FOXO1: variants seen among roughly 807,000 people sequenced by gnomAD.
FOXO1 encodes the protein forkhead box protein O1.
In FOXO1, 6 loss-of-function variants were observed where a neutral mutation model predicts 44.1. The observed-to-expected ratio is 0.14, with a 90% CI of 0.07 to 0.27. FOXO1 has a LOEUF of 0.27. Among genes scored for constraint, FOXO1 ranks in the 10% least tolerant of loss-of-function variants. The pLI, the probability that FOXO1 is intolerant of heterozygous loss-of-function variation, is 1.00. For missense variants in FOXO1, 737 were observed against 888.8 expected, an observed-to-expected ratio of 0.83 and a Z score of 2.17; for synonymous variants, 380 against 362.7, an observed-to-expected ratio of 1.05 and a Z score of -0.54.
At chr13:40,657,435 C>T (rs1243711675) in intron 1 of FOXO1, among the ~76,000 whole-genome samples, 3 of 151,636 alleles carry the variant, frequency 2.0e-5, no homozygotes, top group African/African-American at 7.3e-5. Flanking sequence ...CAAGTTCAAG[C>T]AATTCTCCTG....
intron 1 of FOXO1, among the ~76,000 whole-genome samples, chr13:40,659,395 C>T (rs1877966140): frequency 6.7e-6 from 1 of 149,788 alleles, no homozygotes; most frequent in South Asian, 2.1e-4. Context: ...AGTGTAGCTT[C>T]AGGGATCATC....
At chr13:40,565,397 C>T (rs561599422) in intron 1 of FOXO1, among the ~76,000 whole-genome samples, 11 of 152,330 alleles carry the variant, frequency 7.2e-5, no homozygotes, top group Admixed American at 2.6e-4. Context: ...GGCTGCCACC[C>T]TGCCCTCCAT....
intron 1 of FOXO1, among the ~76,000 whole-genome samples, chr13:40,582,432 ACT>A (rs1429333113): frequency 6.6e-6 from 1 of 151,830 alleles, no homozygotes; most frequent in African/African-American, 2.4e-5. Flanking sequence ...TGATTGATTG[ACT>A]CTTTCTTTCA....
intron 1 of FOXO1, among the ~76,000 whole-genome samples, chr13:40,592,701 T>C (rs1342273736): frequency 6.6e-6 from 1 of 152,222 alleles, no homozygotes; most frequent in Non-Finnish European, 1.5e-5. Flanking sequence ...ACCAGACTTT[T>C]AATAACTAAA....
intron 1 of FOXO1, among the ~76,000 whole-genome samples, chr13:40,579,836 G>A (rs1313912081): frequency 6.6e-6 from 1 of 152,092 alleles, no homozygotes; most frequent in Non-Finnish European, 1.5e-5. Context: ...ACCTAACTAG[G>A]CAAAAACACC....
At chr13:40,585,633 G>C (rs1403026134) in intron 1 of FOXO1, among the ~76,000 whole-genome samples, 3 of 152,212 alleles carry the variant, frequency 2.0e-5, no homozygotes, top group Non-Finnish European at 4.4e-5. Flanking sequence ...AGTGGAATGC[G>C]CTTTCATGAG....
chr13:40,665,171 G>A lies in FOXO1; in HGVS notation c.630+412C>T, dbSNP rs374199120. On this transcript the variant is annotated intron_variant, in intron 1 of 2. Coordinates refer to ENST00000379561, the MANE Select transcript of FOXO1 (RefSeq NM_002015.4). ...CCGCGCCCGGCGGAAACAGCTCCGC[G>A]GCGCGGCCGGAGAGAACCCGCCCTC... is the stretch of plus-strand genomic sequence containing the variant. 1.1e-3 allele frequency among the ~76,000 whole-genome samples: 160 copies of A among 151,990 alleles called. 3 individuals are homozygous for A. In the East Asian group the frequency reaches 0.02, roughly 19 times the overall value.
At chr13:40,620,364 C>T (rs1876567133) in intron 1 of FOXO1, 2 of 715,524 alleles carry the variant, frequency 2.8e-6, no homozygotes, top group Non-Finnish European at 5.0e-6. Flanking sequence ...AATCATTTCT[C>T]GTTTAGAGCG....
chr13:40,647,673 A>G (rs1185921925), intron 1 of FOXO1, among the ~76,000 whole-genome samples: 3 of 152,108 alleles, frequency 2.0e-5, no homozygotes, highest in African/African-American at 7.2e-5. Context: ...CCAGAGTGCT[A>G]GGATCACAGG....
intron 1 of FOXO1, among the ~76,000 whole-genome samples, chr13:40,568,722 G>A (rs938319220): frequency 1.3e-5 from 2 of 152,026 alleles, no homozygotes; most frequent in East Asian, 1.9e-4. Context: ...CTTCTTGCCC[G>A]AATATCCTCA....
intron 1 of FOXO1, among the ~76,000 whole-genome samples, chr13:40,659,465 T>A (rs79114860): frequency 7.0e-6 from 1 of 142,492 alleles, no homozygotes; most frequent in Middle Eastern, 3.4e-3. Context: ...TCTCCCTTGA[T>A]TTTTTTTTTT....
rs1259633738 is a variant in FOXO1 at position 40,666,507 on chromosome 13, C to T, written c.-295G>A. The T allele has an allele frequency of 1.3e-5, 4 of 316,612 alleles. No individual in the cohort carries two copies. 19.6% of individuals were successfully genotyped at this position (316,612 alleles called of 1,614,324 possible). ...TGCGCCGCGCTCCAGCTGACAGGGC[C>T]GCGGACGGAAGGACGGACGGACGCC... On this transcript the variant is annotated 5_prime_UTR_variant, in exon 1 of 3. Transcript: ENST00000379561.
At chr13:40,650,047 C>T (rs1877626760) in intron 1 of FOXO1, among the ~76,000 whole-genome samples, 3 of 152,282 alleles carry the variant, frequency 2.0e-5, no homozygotes, top group African/African-American at 2.4e-5. Flanking sequence ...ATGGCTACTC[C>T]GTAGACAAAG....
intron 1 of FOXO1, among the ~76,000 whole-genome samples, chr13:40,613,980 A>G (rs187330908): frequency 6.6e-6 from 1 of 152,328 alleles, no homozygotes; most frequent in African/African-American, 2.4e-5. Context: ...CTAGCACTCA[A>G]CCCGGTATTT....
intron 1 of FOXO1, among the ~76,000 whole-genome samples, chr13:40,647,429 G>A (rs1877545939): frequency 6.6e-6 from 1 of 152,140 alleles, no homozygotes; most frequent in African/African-American, 2.4e-5. Context: ...CCCAGAGATG[G>A]AATCTTGCTC....
chr13:40,562,252 C>T (rs1453141161), intron 1 of FOXO1, among the ~76,000 whole-genome samples: 1 of 152,188 alleles, frequency 6.6e-6, no homozygotes, highest in Non-Finnish European at 1.5e-5. Context: ...AACAGACAAC[C>T]TGGGATGGGA....
intron 1 of FOXO1, among the ~76,000 whole-genome samples, chr13:40,661,392 C>A (rs1878031991): frequency 1.3e-5 from 2 of 152,070 alleles, no homozygotes; most frequent in African/African-American, 4.8e-5. Flanking sequence ...TCTCCTGCCT[C>A]AGCCTCCCGA....
chr13:40,654,699 G>A (rs1877802588), intron 1 of FOXO1, among the ~76,000 whole-genome samples: 1 of 152,064 alleles, frequency 6.6e-6, no homozygotes. Context: ...AATACAGTGG[G>A]GCTTACTGGA....
At chr13:40,631,691 C>T (rs1325583800) in intron 1 of FOXO1, among the ~76,000 whole-genome samples, 1 of 152,134 alleles carries the variant, frequency 6.6e-6, no homozygotes, top group African/African-American at 2.4e-5. Context: ...GATTCCACTC[C>T]TATAAAGGAC....
Sources: gnomAD v4.1 joint callset for allele counts (sites outside exome capture counted in the v4.1 genomes callset) on GRCh38, gnomAD v4.1.1 for gene constraint, MANE v1.5 for transcripts, NCBI Gene and HGNC (gene_info 2026-07-23, HGNC 2026-07-21) for gene names.